DGKB: variants seen among roughly 807,000 people sequenced by gnomAD.
DGKB encodes diacylglycerol kinase beta, also known as 90 kDa diacylglycerol kinase.
DGKB carries 67 observed loss-of-function variants against 114.3 expected under a neutral mutation model. The observed-to-expected ratio is 0.59, with a 90% CI of 0.48 to 0.72. The LOEUF (loss-of-function observed/expected upper bound fraction) is 0.72. DGKB is among the 30% of genes least tolerant of loss of function. DGKB has a pLI of 0.00. For synonymous variants in DGKB, 398 were observed against 323.1 expected (o/e 1.23, Z -2.49); for missense variants, 907 against 975.2 (o/e 0.93, Z 0.93).
intron 6 of DGKB, among the ~76,000 whole-genome samples, chr7:14,707,059 C>T (rs1343097352): frequency 2.4e-4 from 35 of 148,800 alleles, no homozygotes; most frequent in South Asian, 2.2e-3. Context: ...ACAAAATTGA[C>T]AGACCGCTAG....
intron 20 of DGKB, among the ~76,000 whole-genome samples, chr7:14,523,606 A>G (rs1790141937): frequency 6.6e-6 from 1 of 152,178 alleles, no homozygotes; most frequent in African/African-American, 2.4e-5. Context: ...TAATCTGAAT[A>G]ATATCAATAA....
At chr7:14,576,509 T>C (rs1158439420) in intron 19 of DGKB, among the ~76,000 whole-genome samples, 1 of 152,030 alleles carries the variant, frequency 6.6e-6, no homozygotes, top group Non-Finnish European at 1.5e-5. Flanking sequence ...TGATAGTCTC[T>C]AGGCATAAAT....
chr7:14,871,651 G>A (rs1021827896), intron 1 of DGKB, among the ~76,000 whole-genome samples: 38 of 152,074 alleles, frequency 2.5e-4, no homozygotes, highest in African/African-American at 8.2e-4. Context: ...TAAAACATAC[G>A]TAACACAATG....
intron 23 of DGKB, among the ~76,000 whole-genome samples, chr7:14,234,213 G>A (rs995628843): frequency 5.3e-5 from 8 of 151,932 alleles, no homozygotes; most frequent in Non-Finnish European, 1.2e-4. Flanking sequence ...CCTCTCCTCC[G>A]TCTCACAAAC....
intron 4 of DGKB, among the ~76,000 whole-genome samples, chr7:14,747,771 A>ATG (rs1554636359): frequency 6.5e-4 from 60 of 92,114 alleles, no homozygotes; most frequent in African/African-American, 3.7e-3. Context: ...AAACACATCC[A>ATG]CGCGCACGCA....
chr7:14,178,237 A>T (rs1782078540), intron 23 of DGKB, 86 bp from the exon 24 acceptor site: 1 of 1,377,412 alleles, frequency 7.3e-7, no homozygotes, highest in Non-Finnish European at 9.8e-7. Flanking sequence ...GAGATTAAAA[A>T]AAATAACAGC....
At chr7:14,729,123 C>CTTTTTTTTTT (rs1162368398) in intron 5 of DGKB, among the ~76,000 whole-genome samples, 46 of 113,402 alleles carry the variant, frequency 4.1e-4, no homozygotes, top group Non-Finnish European at 5.1e-4. Context: ...CATTTTCTTT[C>CTTTTTTTTTT]TTTTTTTTTT....
At chr7:14,315,189 T>G (rs1386496012) in intron 23 of DGKB, among the ~76,000 whole-genome samples, 6 of 141,012 alleles carry the variant, frequency 4.3e-5, no homozygotes, top group Admixed American at 2.2e-4. Flanking sequence ...TGCCAAAATG[T>G]AAAGACCGTC....
intron 2 of DGKB, among the ~76,000 whole-genome samples, chr7:14,832,712 C>A (rs941058340): frequency 6.6e-6 from 1 of 152,026 alleles, no homozygotes. Flanking sequence ...TCATGGAGAT[C>A]TCATCTTCCA....
chr7:14,250,026 G>A (rs1471297180), intron 23 of DGKB, among the ~76,000 whole-genome samples: 1 of 151,530 alleles, frequency 6.6e-6, no homozygotes, highest in Non-Finnish European at 1.5e-5. Context: ...GCAATCATGG[G>A]TCACTACAGC....
intron 21 of DGKB, among the ~76,000 whole-genome samples, chr7:14,374,013 T>C (rs929274425): frequency 2.0e-5 from 3 of 152,112 alleles, no homozygotes; most frequent in African/African-American, 7.2e-5. Context: ...TCCTGAAAGA[T>C]CTAAGACAGT....
chr7:14,442,893 T>C (rs1006215011), intron 21 of DGKB, among the ~76,000 whole-genome samples: 1 of 152,098 alleles, frequency 6.6e-6, no homozygotes, highest in Non-Finnish European at 1.5e-5. Context: ...TGATTTTGAA[T>C]GTCTAAGTAA....
intron 20 of DGKB, among the ~76,000 whole-genome samples, chr7:14,567,902 C>A (rs1584870411): frequency 6.6e-6 from 1 of 152,024 alleles, no homozygotes. Flanking sequence ...CCACAGCACC[C>A]AGCCAGATGA....
chr7:14,412,136 G>A (rs1472114409), intron 21 of DGKB, among the ~76,000 whole-genome samples: 1 of 152,122 alleles, frequency 6.6e-6, no homozygotes, highest in Non-Finnish European at 1.5e-5. Context: ...GTATGCATAG[G>A]CACAGAGAAA....
chr7:14,234,480 T>C (rs2128348304), intron 23 of DGKB, among the ~76,000 whole-genome samples: 1 of 152,228 alleles, frequency 6.6e-6, no homozygotes, highest in South Asian at 2.1e-4. Flanking sequence ...CTAAGTGAAA[T>C]ATTTGTTACA....
chr7:14,822,619 G>C (rs1441062909), intron 2 of DGKB, among the ~76,000 whole-genome samples: 2 of 152,108 alleles, frequency 1.3e-5, no homozygotes, highest in Admixed American at 6.6e-5. Context: ...GTTTGGTCAA[G>C]CTGTTGTTAT....
chr7:14,891,334 A>C (rs1259550042), intron 1 of DGKB, among the ~76,000 whole-genome samples: 1 of 151,452 alleles, frequency 6.6e-6, no homozygotes, highest in Non-Finnish European at 1.5e-5. Context: ...ATCATCCCTA[A>C]TCAAGAAAGG....
chr7:14,668,056 G>A (rs1818343920), intron 13 of DGKB, among the ~76,000 whole-genome samples: 2 of 152,110 alleles, frequency 1.3e-5, no homozygotes, highest in African/African-American at 4.8e-5. Flanking sequence ...TAGAGTGTTT[G>A]GGATTCAAAT....
intron 1 of DGKB, among the ~76,000 whole-genome samples, chr7:14,950,885 A>T (rs1369338179): frequency 6.6e-6 from 1 of 152,002 alleles, no homozygotes. Context: ...CAGAAAGTTG[A>T]TTATACACCA....
Sources: allele counts gnomAD v4.1 joint callset (sites outside exome capture counted in the v4.1 genomes callset), GRCh38; gene constraint gnomAD v4.1.1; transcripts MANE v1.5; gene names NCBI Gene and HGNC (gene_info 2026-07-23, HGNC 2026-07-21).